Variants in DNM1 observed in about 807,000 individuals in gnomAD.
The protein encoded by DNM1 is dynamin 1, also known as dynamin-1.
Under a neutral mutation model 104.6 loss-of-function variants are expected in DNM1, and 29 were observed. The ratio of observed to expected loss-of-function variants is 0.28; its 90% confidence interval spans 0.21 to 0.38. DNM1 has a LOEUF of 0.38. DNM1 is among the 10% of genes least tolerant of loss of function. The pLI is 1.00. For missense variants in DNM1, 640 were observed against 1,189.4 expected, an observed-to-expected ratio of 0.54 and a Z score of 6.79; for synonymous variants, 445 against 475.8, an observed-to-expected ratio of 0.94 and a Z score of 0.84.
At chr9:128,217,664 C>T (rs1437986340) in intron 1 of DNM1, among the ~76,000 whole-genome samples, 3 of 148,110 alleles carry the variant, frequency 2.0e-5, no homozygotes, top group Admixed American at 6.7e-5. Context: ...GTGATCCGCC[C>T]GCCTCAGCCT....
At position 128,220,743 on chromosome 9, in the gene DNM1, G is replaced by GCGCGCGCGCA. The variant is rs1554773802; in HGVS notation, c.849+402_849+403insCGCGCGCGCA. On this transcript the variant is annotated intron_variant, in intron 6 of 21. Transcript: ENST00000372923. This position sits in a 1 kb window ranked among gnomAD's most constrained non-coding sequence, Gnocchi z 5.2. ...AGAACTGAAGTGCGCGCGCGCGCGC[G>GCGCGCGCGCA]TGTGTGTGTGTGTGTGTGTGTGTGT... 1.5e-5 allele frequency among the ~76,000 whole-genome samples: 1 copy of GCGCGCGCGCA among 68,104 alleles called. No individual in the cohort carries two copies. Among genetic ancestry groups the GCGCGCGCGCA allele is most frequent in the Non-Finnish European group, 3.5e-5 (1 of 28,970 alleles). 44.7% of individuals were successfully genotyped at this position (68,104 alleles called of 152,430 possible).
At chr9:128,228,015 G>A (rs1025215593) in intron 10 of DNM1, among the ~76,000 whole-genome samples, 3 of 151,288 alleles carry the variant, frequency 2.0e-5, no homozygotes, top group Admixed American at 2.0e-4. Context: ...ACCCCACCCA[G>A]CTAATATTTT....
In DNM1 at chr9:128,220,740, C is replaced by CGTGTGTGTGTGTGTGTGTGTGTGTGTGT. The variant is rs754950978; in HGVS notation, c.849+400_849+401insTGTGTGTGTGTGTGTGTGTGTGTGTGTG. ...TCCAGAACTGAAGTGCGCGCGCGCG[C>CGTGTGTGTGTGTGTGTGTGTGTGTGTGT]GCGTGTGTGTGTGTGTGTGTGTGTG... On this transcript the variant is annotated intron_variant, in intron 6 of 21. Transcript: ENST00000372923. The surrounding 1 kb of genome is among the most constrained non-coding windows in gnomAD (Gnocchi z 5.2). 3.2e-5 allele frequency among the ~76,000 whole-genome samples: 4 copies of CGTGTGTGTGTGTGTGTGTGTGTGTGTGT among 125,698 alleles called. No homozygotes were observed. The East Asian group carries it at 9.5e-4, about 30-fold the overall frequency. 82.5% of individuals were successfully genotyped at this position (125,698 alleles called of 152,430 possible).
At chr9:128,231,172 A>T (rs1203468717) in intron 10 of DNM1, among the ~76,000 whole-genome samples, 1 of 148,588 alleles carries the variant, frequency 6.7e-6, no homozygotes. Flanking sequence ...TTGGTCTAAA[A>T]GGAGGAAACT....
At chr9:128,217,236 A>G (rs912781182) in intron 1 of DNM1, among the ~76,000 whole-genome samples, 2 of 152,132 alleles carry the variant, frequency 1.3e-5, no homozygotes, top group African/African-American at 4.8e-5. Flanking sequence ...AGAGTCAAAT[A>G]TATCCGAGAC....
chr9:128,239,681 C>T, intron 12 of DNM1, 47 bp from the exon 13 acceptor site: 1 of 1,584,686 alleles, frequency 6.3e-7, no homozygotes, highest in Non-Finnish European at 8.6e-7. Context: ...GGCAGTAGAG[C>T]TGGGCCTCTT....
At chr9:128,228,128 A>T (rs1451977338) in intron 10 of DNM1, among the ~76,000 whole-genome samples, 1 of 151,762 alleles carries the variant, frequency 6.6e-6, no homozygotes, top group Non-Finnish European at 1.5e-5. Context: ...TGCAACCTCC[A>T]CCTCTCAGGT....
At chr9:128,227,777 A>G (rs1208034618) in intron 10 of DNM1, among the ~76,000 whole-genome samples, 4 of 147,270 alleles carry the variant, frequency 2.7e-5, no homozygotes, top group Non-Finnish European at 6.0e-5. Context: ...TTAAGTTTCA[A>G]TTTTTTTTTT....
chr9:128,240,791 C>T lies in DNM1; in HGVS notation c.1557+795C>T. The T allele has an allele frequency of 6.5e-6, 1 of 152,800 alleles. No homozygotes were observed. Among genetic ancestry groups the T allele is most frequent in the Non-Finnish European group, 1.5e-5 (1 of 68,458 alleles). The allele number at this position is 152,800 out of a possible 1,614,324, so 9.5% of individuals were successfully genotyped here. On this transcript the variant is annotated intron_variant, in intron 14 of 21. Transcript: ENST00000372923. This position sits in a 1 kb window ranked among gnomAD's most constrained non-coding sequence, Gnocchi z 5.1. ...TGGAGACCTGGGCCTGCTGGTAGGGCCCAGCTAAGGCCCCTGAGAGCTCCA... is the reference window on the plus strand; with the variant it reads ...TGGAGACCTGGGCCTGCTGGTAGGGTCCAGCTAAGGCCCCTGAGAGCTCCA...
intron 9 of DNM1, chr9:128,223,468 A>G (rs1835141895): frequency 6.6e-6 from 1 of 152,660 alleles, no homozygotes; most frequent in Non-Finnish European, 1.5e-5. Flanking sequence ...CACCTACCCT[A>G]TGCCAAGCAG....
At chr9:128,251,289 A>C in intron 21 of DNM1, 5 of 458,532 alleles carry the variant, frequency 1.1e-5, no homozygotes, top group Non-Finnish European at 2.1e-5. Context: ...GCTGTCCTCC[A>C]TCCTCCATTC....
chr9:128,218,103 G>A lies in DNM1; in HGVS notation c.162-128G>A. ...ATGCTCTTAGTTACCTGAAGCCCCT[G>A]GGCTAAGGAGCGGTGGAGCCAGCAC... On this transcript the variant is annotated intron_variant, in intron 1 of 21. Transcript: ENST00000372923. This position sits in a 1 kb window ranked among gnomAD's most constrained non-coding sequence, Gnocchi z 4.8. 2.3e-6 allele frequency: 2 copies of A among 862,326 alleles called. No individual in the cohort carries two copies. The highest frequency in any genetic ancestry group is 2.0e-6 in the Non-Finnish European group (1 of 501,210). The allele number at this position is 862,326 out of a possible 1,614,324, so 53.4% of individuals were successfully genotyped here.
At chr9:128,233,777 G>A (rs1193154976) in intron 10 of DNM1, 14 of 559,450 alleles carry the variant, frequency 2.5e-5, no homozygotes, top group Non-Finnish European at 4.5e-5. Flanking sequence ...AGGTAGGCCA[G>A]TGAAGAGGGC....
intron 20 of DNM1, 110 bp from the exon 21 acceptor site, chr9:128,250,615 G>T (rs1236740115): frequency 2.3e-5 from 25 of 1,084,432 alleles, no homozygotes; most frequent in Non-Finnish European, 3.1e-5. Context: ...GTGCGGCAGG[G>T]AGGGGCTTGC....
intron 1 of DNM1, among the ~76,000 whole-genome samples, chr9:128,217,813 C>G (rs566541620): frequency 6.6e-6 from 1 of 152,296 alleles, no homozygotes; most frequent in Non-Finnish European, 1.5e-5. Context: ...CCCTGCCCCA[C>G]AGCGGAAGGG....
At chr9:128,239,940 C>T in intron 13 of DNM1, 45 bp from the exon 14 acceptor site, 2 of 1,613,350 alleles carry the variant, frequency 1.2e-6, no homozygotes, top group South Asian at 2.2e-5. Context: ...CCTCTCTCCT[C>T]TCTCCCCGAT....
In DNM1 at chr9:128,225,206, C is replaced by T. The variant is rs574686748; in HGVS notation, c.1335+817C>T. ...GTGCTCCTCGATTCCACCCTCCAGC[C>T]TCCCTTCCTTTCCTCTCCCCACTGC... On this transcript the variant is annotated intron_variant, in intron 10 of 21. Transcript: ENST00000372923. 1.4e-4 allele frequency among the ~76,000 whole-genome samples: 21 copies of T among 152,338 alleles called. No individual in the cohort carries two copies. In the South Asian group the frequency reaches 4.3e-3, roughly 32 times the overall value.
intron 14 of DNM1, 92 bp from the exon 15 acceptor site, chr9:128,242,140 G>A: frequency 2.7e-6 from 2 of 742,312 alleles, no homozygotes. Context: ...CTGGGAGAGG[G>A]GTGGGGTTTC....
At position 128,240,674 on chromosome 9, in the gene DNM1, A is replaced by G. The variant is rs1173763829; in HGVS notation, c.1557+678A>G. 6.6e-6 allele frequency: 1 copy of G among 152,618 alleles called. No individual in the cohort carries two copies. Among genetic ancestry groups the G allele is most frequent in the African/African-American group, 2.4e-5 (1 of 41,470 alleles). The allele number at this position is 152,618 out of a possible 1,614,324, so 9.5% of individuals were successfully genotyped here. A position where few individuals can be genotyped will look rare whatever the true frequency, so the allele number is the denominator to read the frequency against. On this transcript the variant is annotated intron_variant, in intron 14 of 21. Coordinates refer to ENST00000372923, the MANE Select transcript of DNM1 (RefSeq NM_004408.4). This position sits in a 1 kb window ranked among gnomAD's most constrained non-coding sequence, Gnocchi z 5.1. ...GCCTGGCACGCAGTAGGTGCTCAAC[A>G]GAATGAAGGGAGGAATGAATGTAGT...
Sources: gnomAD v4.1 joint callset for allele counts (sites outside exome capture counted in the v4.1 genomes callset) on GRCh38, gnomAD v4.1.1 for gene constraint, Gnocchi (gnomAD v3.1) non-coding constraint, MANE v1.5 for transcripts, NCBI Gene and HGNC (gene_info 2026-07-23, HGNC 2026-07-21) for gene names.